CEP85L: variants seen among roughly 807,000 people sequenced by gnomAD.
CEP85L encodes centrosomal protein of 85 kDa-like.
A neutral mutation model predicts 100.3 loss-of-function variants in CEP85L; 60 were observed. The ratio of observed to expected loss-of-function variants is 0.60; its 90% confidence interval spans 0.49 to 0.74. The LOEUF (loss-of-function observed/expected upper bound fraction) is 0.74. Among genes scored for constraint, CEP85L ranks in the 30% least tolerant of loss-of-function variants. The pLI is 0.00. For synonymous variants in CEP85L, 319 were observed against 322.7 expected (o/e 0.99, Z 0.12); for missense variants, 973 against 936.2 (o/e 1.04, Z -0.51).
intron 5 of CEP85L, among the ~76,000 whole-genome samples, chr6:118,505,902 G>A (rs1775626753): frequency 6.6e-6 from 1 of 152,120 alleles, no homozygotes; most frequent in Non-Finnish European, 1.5e-5. Context: ...TGTTAATGGT[G>A]TGTCAATATA....
intron 5 of CEP85L, among the ~76,000 whole-genome samples, chr6:118,508,877 T>A (rs1442997938): frequency 6.6e-6 from 1 of 152,070 alleles, no homozygotes; most frequent in Non-Finnish European, 1.5e-5. Context: ...GATCCAAAGT[T>A]AAAAAAATCC....
chr6:118,600,192 G>A (rs958346633), intron 2 of CEP85L, among the ~76,000 whole-genome samples: 2 of 151,642 alleles, frequency 1.3e-5, no homozygotes, highest in Non-Finnish European at 2.9e-5. Flanking sequence ...TAAACCCTCC[G>A]TTCTTGACTT....
rs1772226865 is a variant in CEP85L, at chr6:118,461,448, A to G, written c.*3957T>C. 6.6e-6 allele frequency: 1 copy of G among 152,086 alleles called. No homozygotes were observed. Among genetic ancestry groups the G allele is most frequent in the Non-Finnish European group, 1.5e-5 (1 of 67,980 alleles). The allele number at this position is 152,086 out of a possible 1,614,324, so 9.4% of individuals were successfully genotyped here. On this transcript the variant is annotated 3_prime_UTR_variant, in exon 13 of 13. Transcript: ENST00000368491. Reference sequence around the variant, plus strand: ...CCTTAATCAAGTTTATATACAGAAGAACAAGGTGCAATAATCATCAACATT... The same window carrying G: ...CCTTAATCAAGTTTATATACAGAAGGACAAGGTGCAATAATCATCAACATT...
chr6:118,545,938 A>T (rs1015582251), intron 3 of CEP85L, among the ~76,000 whole-genome samples: 1 of 152,198 alleles, frequency 6.6e-6, no homozygotes, highest in Non-Finnish European at 1.5e-5. Flanking sequence ...AAGCCATGTG[A>T]CCAAAAATAC....
chr6:118,638,398 T>C (rs1774648360), intron 1 of CEP85L, among the ~76,000 whole-genome samples: 1 of 151,700 alleles, frequency 6.6e-6, no homozygotes, highest in Non-Finnish European at 1.5e-5. Flanking sequence ...ACTGAAAAAA[T>C]TCACAGTCTG....
At chr6:118,517,165 G>A (rs1442435781) in intron 4 of CEP85L, among the ~76,000 whole-genome samples, 1 of 152,208 alleles carries the variant, frequency 6.6e-6, no homozygotes, top group Non-Finnish European at 1.5e-5. Flanking sequence ...ATAGTTTGAA[G>A]TCAAGTAGCG....
intron 2 of CEP85L, among the ~76,000 whole-genome samples, chr6:118,605,621 G>GT (rs1048700642): frequency 6.6e-6 from 1 of 152,142 alleles, no homozygotes; most frequent in Non-Finnish European, 1.5e-5. Context: ...GGAAAAGAGG[G>GT]TTTTTTCCCT....
At chr6:118,702,985 G>C (rs1185335614) in intron 1 of CEP85L, among the ~76,000 whole-genome samples, 1 of 124,170 alleles carries the variant, frequency 8.1e-6, no homozygotes, top group Non-Finnish European at 1.6e-5. Context: ...GACAAAGAGA[G>C]ACTCTGTCTC....
At chr6:118,522,532 G>A (rs1776725387) in intron 4 of CEP85L, among the ~76,000 whole-genome samples, 1 of 151,996 alleles carries the variant, frequency 6.6e-6, no homozygotes, top group African/African-American at 2.4e-5. Context: ...CATTTATCAA[G>A]TATGGAAGTA....
chr6:118,498,059 C>T (rs1775032429), intron 5 of CEP85L, among the ~76,000 whole-genome samples: 3 of 152,120 alleles, frequency 2.0e-5, no homozygotes, highest in Non-Finnish European at 2.9e-5. Context: ...CACTTCATTA[C>T]CTTCAGGTGG....
chr6:118,589,665 C>T, intron 2 of CEP85L: 1 of 287,102 alleles, frequency 3.5e-6, no homozygotes, highest in South Asian at 4.4e-5. Flanking sequence ...GATGCAAGCC[C>T]ATGATGAGAA....
In CEP85L at chr6:118,464,502, T is replaced by C. The variant is rs983026012; in HGVS notation, c.*903A>G. ...AATGTTGAGATTTGGATAAGTAAGCTATTGTTCCAGGGTAACTTTGTTAAT... is the reference window on the plus strand; with the variant it reads ...AATGTTGAGATTTGGATAAGTAAGCCATTGTTCCAGGGTAACTTTGTTAAT... On this transcript the variant is annotated 3_prime_UTR_variant, in exon 13 of 13. Transcript: ENST00000368491. 2.0e-5 allele frequency: 3 copies of C among 152,158 alleles called. No individual in the cohort carries two copies. Among genetic ancestry groups the C allele is most frequent in the Non-Finnish European group, 2.9e-5 (2 of 68,004 alleles). The allele number at this position is 152,158 out of a possible 1,614,324, so 9.4% of individuals were successfully genotyped here.
intron 1 of CEP85L, among the ~76,000 whole-genome samples, chr6:118,693,656 G>C (rs1777114392): frequency 6.6e-6 from 1 of 152,202 alleles, no homozygotes; most frequent in African/African-American, 2.4e-5. Context: ...CAGAGGTTGT[G>C]CACCCAGAGA....
chr6:118,474,752 T>C (rs1189875554), intron 10 of CEP85L, among the ~76,000 whole-genome samples: 1 of 152,128 alleles, frequency 6.6e-6, no homozygotes, highest in Non-Finnish European at 1.5e-5. Context: ...TCCAAATGTC[T>C]CTCTATAGGA....
chr6:118,549,188 C>T (rs1778387628), intron 3 of CEP85L, among the ~76,000 whole-genome samples: 1 of 151,908 alleles, frequency 6.6e-6, no homozygotes, highest in African/African-American at 2.4e-5. Flanking sequence ...TATTTTCACA[C>T]AAATTTGATT....
chr6:118,693,873 G>A (rs187185929), intron 1 of CEP85L, among the ~76,000 whole-genome samples: 12 of 152,260 alleles, frequency 7.9e-5, no homozygotes, highest in Admixed American at 6.5e-4. Context: ...TGCAAAATTA[G>A]CCCCCAATTT....
At chr6:118,559,189 G>A (rs1779084678) in intron 3 of CEP85L, 1 of 845,200 alleles carries the variant, frequency 1.2e-6, no homozygotes, top group African/African-American at 1.7e-5. Flanking sequence ...CTGAGTAGAA[G>A]AGTTTCTTTG....
At chr6:118,476,369 CT>C (rs1016628855) in intron 10 of CEP85L, among the ~76,000 whole-genome samples, 4 of 151,624 alleles carry the variant, frequency 2.6e-5, no homozygotes, top group African/African-American at 9.7e-5. Context: ...GATAAGAATA[CT>C]TTTAGTTTTT....
At chr6:118,565,506 A>G in intron 3 of CEP85L, 23 bp downstream of exon 3, 2 of 1,611,216 alleles carry the variant, frequency 1.2e-6, no homozygotes, top group Non-Finnish European at 1.7e-6. Flanking sequence ...GGAGGGAAGC[A>G]AACACTAGAT....
Sources: gnomAD v4.1 joint callset for allele counts (sites outside exome capture counted in the v4.1 genomes callset) on GRCh38, gnomAD v4.1.1 for gene constraint, MANE v1.5 for transcripts, NCBI Gene and HGNC (gene_info 2026-07-23, HGNC 2026-07-21) for gene names.